Variants in PIGG observed in about 807,000 individuals in gnomAD.
The protein encoded by PIGG is GPI ethanolamine phosphate transferase 2, catalytic subunit.
Under a neutral mutation model 83.2 loss-of-function variants are expected in PIGG, and 70 were observed. That is an observed-to-expected ratio of 0.84 (90% CI 0.69 to 1.03). PIGG has a LOEUF of 1.03. Among genes scored for constraint, PIGG ranks in the 50% least tolerant of loss-of-function variants. The probability of loss-of-function intolerance (pLI) is 0.00; values close to 1 mark genes in which losing one functional copy is unlikely to be tolerated. For missense variants in PIGG, 1,257 were observed against 1,233.6 expected, an observed-to-expected ratio of 1.02 and a Z score of -0.28; for synonymous variants, 532 against 519.5, an observed-to-expected ratio of 1.02 and a Z score of -0.33.
In PIGG at chr4:523,869, T is replaced by C; in HGVS notation, c.2025T>C (p.Gly675=). The C allele has an allele frequency of 6.4e-7, 1 of 1,573,420 alleles. No homozygotes were observed. The highest frequency in any genetic ancestry group is 8.6e-7 in the Non-Finnish European group (1 of 1,158,558). The change falls in exon 9 of 13, where the codon GGT becomes GGC. Residue 675 remains glycine (G), a synonymous_variant. Coordinates refer to ENST00000453061, the MANE Select transcript of PIGG (RefSeq NM_001127178.3). ...CRLLRSLNQT[G]VQWAHRPDLG... ...TGCTGCGCTCCCTAAACCAGACAGG[T>C]GTGCAGTGGGCTCACCGGCCTGACC...
chr4:528,082 C>T lies in PIGG; in HGVS notation c.2261+852C>T. On this transcript the variant is annotated intron_variant, in intron 10 of 12. Coordinates refer to ENST00000453061, the MANE Select transcript of PIGG (RefSeq NM_001127178.3). The surrounding 1 kb of genome is among the most constrained non-coding windows in gnomAD (Gnocchi z 4.8). ...GTCGGTGCTCTGACAGTGACCGTCC[C>T]AGTGAGGTCGGTGCTCTGATAGTGA... is the stretch of plus-strand genomic sequence containing the variant. The T allele has an allele frequency of 1.0e-6, 1 of 985,124 alleles. No individual in the cohort carries two copies. The highest frequency in any genetic ancestry group is 1.2e-6 in the Non-Finnish European group (1 of 829,816). The allele number at this position is 985,124 out of a possible 1,614,324, so 61.0% of individuals were successfully genotyped here. A position where few individuals can be genotyped will look rare whatever the true frequency, so the allele number is the denominator to read the frequency against.
chr4:521,561 C>G, intron 7 of PIGG, 99 bp from the exon 8 acceptor site: 1 of 1,137,866 alleles, frequency 8.8e-7, no homozygotes. Flanking sequence ...TCTGTTTTTA[C>G]TGTGTGGACA....
rs770709391 is a variant in PIGG, at chr4:530,765, A to G, written c.2571+20A>G. 1.3e-6 allele frequency: 2 copies of G among 1,487,210 alleles called. No individual in the cohort carries two copies. Among genetic ancestry groups the G allele is most frequent in the Admixed American group, 1.7e-5 (1 of 58,164 alleles). 92.1% of individuals were successfully genotyped at this position (1,487,210 alleles called of 1,614,324 possible). A position where few individuals can be genotyped will look rare whatever the true frequency, so the allele number is the denominator to read the frequency against. On this transcript the variant is annotated intron_variant, in intron 11 of 12. Transcript: ENST00000453061. ...TTTCAGGTAGGTTTTCATTATTATC[A>G]TGGGTAGTAGACTTCATGTTTTACA...
chr4:531,818 C>G (rs1729136860), intron 11 of PIGG: 1 of 152,556 alleles, frequency 6.6e-6, no homozygotes, highest in Non-Finnish European at 1.5e-5. Context: ...CCTGCCATGT[C>G]CACGCAAGGC....
At chr4:517,649 G>C (rs535360513) in intron 6 of PIGG, among the ~76,000 whole-genome samples, 18 of 152,268 alleles carry the variant, frequency 1.2e-4, no homozygotes, top group African/African-American at 4.1e-4. Context: ...GGCTTCGTCA[G>C]ATGGAGAGTG....
At chr4:516,240 C>T (rs996694412) in intron 6 of PIGG, 55 bp downstream of exon 6, 20 of 1,192,630 alleles carry the variant, frequency 1.7e-5, no homozygotes, top group African/African-American at 1.2e-4. Flanking sequence ...CCACTGAGCT[C>T]GGGTTTCTCC....
Position 499,300 on chromosome 4 carries a change from T to G in PIGG, c.-36T>G. The G allele has an allele frequency of 1.3e-6, 2 of 1,595,708 alleles. No homozygotes were observed. Among genetic ancestry groups the G allele is most frequent in the Non-Finnish European group, 1.7e-6 (2 of 1,176,684 alleles). On this transcript the variant is annotated 5_prime_UTR_variant, in exon 1 of 13. Transcript: ENST00000453061. ...GGCTGCAGCAGGGCGAGGCTCCAGGTGGGGTCGGTTCCGCATCCAGCCTAG... is the reference window on the plus strand; with the variant it reads ...GGCTGCAGCAGGGCGAGGCTCCAGGGGGGGTCGGTTCCGCATCCAGCCTAG...
At chr4:537,425 TC>T (rs36014905) in intron 12 of PIGG, 28,484 of 152,148 alleles carry the variant, frequency 0.19, 3,214 homozygotes, top group African/African-American at 0.32. Context: ...AGCCACAGCT[TC>T]CCCATGCGCT....
intron 2 of PIGG, among the ~76,000 whole-genome samples, chr4:503,845 TACAC>T (rs56841358): frequency 0.037 from 5,427 of 145,534 alleles, 131 homozygotes; most frequent in African/African-American, 0.065. Flanking sequence ...TGTGATTTTA[TACAC>T]ACACACACAC....
chr4:538,447 C>T (rs1194673689), intron 12 of PIGG, among the ~76,000 whole-genome samples: 2 of 152,286 alleles, frequency 1.3e-5, no homozygotes. Context: ...AAGCTCAGAA[C>T]TTGTATTTAT....
At chr4:511,547 T>C (rs1553883463) in intron 5 of PIGG, among the ~76,000 whole-genome samples, 2 of 152,250 alleles carry the variant, frequency 1.3e-5, no homozygotes, top group Admixed American at 6.5e-5. Context: ...TGTGCTGTTA[T>C]TGTCAAATAT....
chr4:535,389 A>G (rs911396588), intron 12 of PIGG, among the ~76,000 whole-genome samples: 43 of 103,082 alleles, frequency 4.2e-4, no homozygotes, highest in African/African-American at 2.1e-3. Flanking sequence ...GAATCCCCGC[A>G]GCGCCTATGC....
At position 523,555 on chromosome 4, in the gene PIGG, G is replaced by C. The variant is rs770091281; in HGVS notation, c.1711G>C (p.Val571Leu). 6.2e-7 allele frequency: 1 copy of C among 1,614,170 alleles called. No homozygotes were observed. The highest frequency in any genetic ancestry group is 8.5e-7 in the Non-Finnish European group (1 of 1,180,008). The change falls in exon 9 of 13, where the codon GTG becomes CTG. Residue 571 changes from valine (V) to leucine (L), a missense_variant. Coordinates refer to ENST00000453061, the MANE Select transcript of PIGG (RefSeq NM_001127178.3). ...CTTGAGCCTGGGCGCCAGCAGCTTC[G>C]TGGAGGAGGAGCACCAGACCTGGTA... ...HVLSLGASSF[V>L]EEEHQTWYFL... is the part of the protein sequence containing the mutation.
intron 2 of PIGG, among the ~76,000 whole-genome samples, chr4:501,363 A>G (rs1160660803): frequency 1.3e-5 from 2 of 152,258 alleles, no homozygotes; most frequent in African/African-American, 4.8e-5. Flanking sequence ...ATGAGAAAGA[A>G]CAGGATGTGA....
At chr4:536,523 G>A (rs568040492) in intron 12 of PIGG, among the ~76,000 whole-genome samples, 28 of 152,364 alleles carry the variant, frequency 1.8e-4, no homozygotes, top group Admixed American at 1.8e-3. Context: ...GCTGTGTGGA[G>A]ACGTCCTTCC....
intron 5 of PIGG, among the ~76,000 whole-genome samples, chr4:511,296 T>TA (rs1191304904): frequency 0.045 from 5,751 of 128,208 alleles, 255 homozygotes; most frequent in African/African-American, 0.11. Flanking sequence ...TCCCCATCTT[T>TA]AAAAAAAAAA....
chr4:500,186 G>C, intron 1 of PIGG: 1 of 585,362 alleles, frequency 1.7e-6, no homozygotes, highest in African/African-American at 1.9e-5. Context: ...TTCACTGCTT[G>C]CTACTGTGGG....
chr4:512,680 T>TGTCA (rs1560302417), intron 5 of PIGG, among the ~76,000 whole-genome samples: 14 of 151,594 alleles, frequency 9.2e-5, no homozygotes, highest in South Asian at 4.2e-4. Context: ...CCAGATGTGG[T>TGTCA]GGTGGGCGCC....
intron 5 of PIGG, among the ~76,000 whole-genome samples, chr4:512,094 A>T (rs1424305987): frequency 1.5e-4 from 22 of 151,474 alleles, no homozygotes; most frequent in Non-Finnish European, 2.9e-5. Context: ...AATTTGGAAA[A>T]TTTTCAGTTG....
Sources: allele counts gnomAD v4.1 joint callset (sites outside exome capture counted in the v4.1 genomes callset), GRCh38; gene constraint gnomAD v4.1.1; non-coding constraint Gnocchi (gnomAD v3.1); transcripts MANE v1.5; gene names NCBI Gene and HGNC (gene_info 2026-07-23, HGNC 2026-07-21).